Variants in MED30 observed in about 807,000 individuals in gnomAD.
MED30 encodes the protein mediator complex subunit 30, also known as mediator of RNA polymerase II transcription subunit 30.
In MED30, 8 loss-of-function variants were observed where a neutral mutation model predicts 21.7. The observed-to-expected ratio is 0.37, with a 90% CI of 0.22 to 0.67. The LOEUF (loss-of-function observed/expected upper bound fraction) is 0.67. MED30 is among the 30% of genes least tolerant of loss of function. MED30 has a pLI of 0.58. For missense variants in MED30, 203 were observed against 228.2 expected (o/e 0.89, Z 0.71); for synonymous variants, 79 against 86.7 (o/e 0.91, Z 0.49).
Position 117,520,781 on chromosome 8 carries a change from C to T in MED30, c.-96C>T. ...ATCGGGCCGCGGGGGGTCTCTCAAGCTGGTTCCAACGCTGAGGCCCCACAG... is the reference window on the plus strand; with the variant it reads ...ATCGGGCCGCGGGGGGTCTCTCAAGTTGGTTCCAACGCTGAGGCCCCACAG... On this transcript the variant is annotated 5_prime_UTR_variant, in exon 1 of 4. Coordinates refer to ENST00000297347, the MANE Select transcript of MED30 (RefSeq NM_080651.4). 7.8e-7 allele frequency: 1 copy of T among 1,288,216 alleles called. No individual in the cohort carries two copies. The highest frequency in any genetic ancestry group is 1.5e-5 in the South Asian group (1 of 65,810). The allele number at this position is 1,288,216 out of a possible 1,614,324, so 79.8% of individuals were successfully genotyped here. A position where few individuals can be genotyped will look rare whatever the true frequency, so the allele number is the denominator to read the frequency against.
chr8:117,523,595 C>G, intron 1 of MED30: 1 of 1,601,976 alleles, frequency 6.2e-7, no homozygotes, highest in Non-Finnish European at 8.5e-7. Context: ...TTCACGTAGC[C>G]TCAGGACTTG....
intron 3 of MED30, among the ~76,000 whole-genome samples, chr8:117,538,806 T>G (rs1818928467): frequency 6.6e-6 from 1 of 152,194 alleles, no homozygotes. Flanking sequence ...CAGAGACACA[T>G]GCCGTGCACA....
intron 3 of MED30, among the ~76,000 whole-genome samples, chr8:117,539,542 C>T (rs1282033268): frequency 1.3e-5 from 2 of 151,870 alleles, no homozygotes; most frequent in South Asian, 2.1e-4. Flanking sequence ...GGCTCTTGAC[C>T]GTTAGGTTAT....
chr8:117,539,612 T>TATTG (rs2130821248), intron 3 of MED30, among the ~76,000 whole-genome samples: 1 of 152,340 alleles, frequency 6.6e-6, no homozygotes, highest in East Asian at 1.9e-4. Flanking sequence ...TTAGCTGATT[T>TATTG]ATTGATTTGT....
chr8:117,520,913 C>CCCGGGCCCTTCG lies in MED30; in HGVS notation c.46_57dup (p.Phe16_Pro19dup). 1 of 1,608,918 alleles carries CCCGGGCCCTTCG rather than the reference C, an allele frequency of 6.2e-7. No homozygotes were observed. Among genetic ancestry groups the CCCGGGCCCTTCG allele is most frequent in the Non-Finnish European group, 8.5e-7 (1 of 1,178,064 alleles). ...TCCGTTGGCCGCGTCGGGGATGGCGCCCGGGCCCTTCGCCGGGCCCCAGGC... is the reference window on the plus strand; with the variant it reads ...TCCGTTGGCCGCGTCGGGGATGGCGCCCGGGCCCTTCGCCGGGCCCTTCGCCGGGCCCCAGGC... On this transcript the variant is annotated inframe_insertion, in exon 1 of 4. Coordinates refer to ENST00000297347, the MANE Select transcript of MED30 (RefSeq NM_080651.4).
chr8:117,528,698 A>G lies in MED30; in HGVS notation c.225A>G (p.Leu75=). The part of the protein sequence containing the change: ...TYHTGTYQDR[L]TKLQDNLRQL... ...ACACTGGAACATATCAAGACCGGTT[A>G]ACAAAGCTACAGGATAATCTTCGCC... Residue 75 remains leucine, a synonymous_variant, in exon 2 of 4, where the codon TTA becomes TTG. Coordinates refer to ENST00000297347, the MANE Select transcript of MED30 (RefSeq NM_080651.4). 1 of 1,609,238 alleles carries G rather than the reference A, an allele frequency of 6.2e-7. No homozygotes were observed. Among genetic ancestry groups the G allele is most frequent in the East Asian group, 2.2e-5 (1 of 44,568 alleles).
chr8:117,521,715 T>G (rs970514482), intron 1 of MED30, among the ~76,000 whole-genome samples: 6 of 152,206 alleles, frequency 3.9e-5, no homozygotes, highest in Non-Finnish European at 5.9e-5. Flanking sequence ...CTTTTTTTTT[T>G]GTCTGAGATC....
chr8:117,524,107 A>C (rs886921905), intron 1 of MED30: 1 of 157,714 alleles, frequency 6.3e-6, no homozygotes, highest in Non-Finnish European at 1.4e-5. Flanking sequence ...TTGAGGGACT[A>C]TGATAATTAT....
At chr8:117,522,793 T>A (rs1025064981) in intron 1 of MED30, among the ~76,000 whole-genome samples, 2 of 152,120 alleles carry the variant, frequency 1.3e-5, no homozygotes, top group Admixed American at 1.3e-4. Context: ...AATGAATAGA[T>A]TCATATCTAG....
chr8:117,521,669 T>A (rs1402148507), intron 1 of MED30, among the ~76,000 whole-genome samples: 4 of 152,152 alleles, frequency 2.6e-5, no homozygotes, highest in Non-Finnish European at 5.9e-5. Context: ...TTGCATTTGC[T>A]AGGGTTTTAT....
chr8:117,528,168 T>C (rs887658406), intron 1 of MED30, among the ~76,000 whole-genome samples: 1 of 151,884 alleles, frequency 6.6e-6, no homozygotes, highest in African/African-American at 2.4e-5. Context: ...GCCTTAAGCA[T>C]CTTAATTATC....
intron 3 of MED30, among the ~76,000 whole-genome samples, 190 bp from the exon 4 acceptor site, chr8:117,539,693 T>G (rs1818946063): frequency 6.6e-6 from 1 of 152,214 alleles, no homozygotes; most frequent in South Asian, 2.1e-4. Context: ...GCAGGCTGGA[T>G]TTTTAGAATT....
At chr8:117,533,758 T>C (rs1818825048) in intron 3 of MED30, among the ~76,000 whole-genome samples, 1 of 152,156 alleles carries the variant, frequency 6.6e-6, no homozygotes, top group Non-Finnish European at 1.5e-5. Flanking sequence ...TTTTCTATGG[T>C]CTTATAGGTC....
Position 117,521,062 on chromosome 8 carries a change from G to T in MED30, c.177+9G>T. 3 of 1,577,052 alleles carry T rather than the reference G, an allele frequency of 1.9e-6. No individual in the cohort carries two copies. In the South Asian group the frequency reaches 3.4e-5, roughly 18 times the overall value. On this transcript the variant is annotated intron_variant, in intron 1 of 3. Coordinates refer to ENST00000297347, the MANE Select transcript of MED30 (RefSeq NM_080651.4). ...TCCTGAGGAACATGCAGGTAGGAAG[G>T]CGGGCGCGCGAGGCCAGGGGGATGC...
chr8:117,536,708 A>G (rs1369459832), intron 3 of MED30, among the ~76,000 whole-genome samples: 1 of 152,232 alleles, frequency 6.6e-6, no homozygotes, highest in Admixed American at 6.5e-5. Context: ...TTCGTGGTTT[A>G]TTTAAATACT....
intron 1 of MED30, among the ~76,000 whole-genome samples, chr8:117,521,944 T>A (rs1425510728): frequency 6.6e-6 from 1 of 152,236 alleles, no homozygotes; most frequent in Non-Finnish European, 1.5e-5. Context: ...GTGGAATTGC[T>A]GGATCATGCA....
At chr8:117,537,575 G>T (rs973853084) in intron 3 of MED30, among the ~76,000 whole-genome samples, 3 of 152,010 alleles carry the variant, frequency 2.0e-5, no homozygotes, top group African/African-American at 4.8e-5. Context: ...ATTCCCCAGT[G>T]TTGAATATTA....
At chr8:117,537,692 A>G (rs1437355711) in intron 3 of MED30, among the ~76,000 whole-genome samples, 2 of 152,188 alleles carry the variant, frequency 1.3e-5, no homozygotes, top group African/African-American at 4.8e-5. Flanking sequence ...AGGATTCTTG[A>G]GAGTAGTCTT....
intron 3 of MED30, 94 bp downstream of exon 3, chr8:117,530,921 A>G: frequency 1.2e-6 from 1 of 862,512 alleles, no homozygotes; most frequent in Non-Finnish European, 1.8e-6. Flanking sequence ...TTGAATTATC[A>G]AATTACATGA....
Sources: gnomAD v4.1 joint callset for allele counts (sites outside exome capture counted in the v4.1 genomes callset) on GRCh38, gnomAD v4.1.1 for gene constraint, MANE v1.5 for transcripts, NCBI Gene and HGNC (gene_info 2026-07-23, HGNC 2026-07-21) for gene names.